The following CLCNKA variants were observed in gnomAD, a reference collection of about 807,000 sequenced individuals.
CLCNKA encodes chloride voltage-gated channel Ka.
CLCNKA carries 66 observed loss-of-function variants against 83.3 expected under a neutral mutation model. That is an observed-to-expected ratio of 0.79 (90% confidence interval 0.65 to 0.97). The LOEUF is 0.97. Ranked by LOEUF, CLCNKA falls within the 50% of genes least tolerant of loss-of-function variation. The pLI is 0.00. For synonymous variants in CLCNKA, 357 were observed against 370.4 expected (o/e 0.96, Z 0.42); for missense variants, 806 against 888.7 (o/e 0.91, Z 1.18).
At chr1:16,028,686 G>T in intron 10 of CLCNKA, 75 bp from the exon 11 acceptor site, 1 of 1,567,488 alleles carries the variant, frequency 6.4e-7, no homozygotes, top group Non-Finnish European at 8.8e-7. Flanking sequence ...CTGCTGCCTG[G>T]ACCAGGTCCT....
chr1:16,030,207 G>C (rs34292424), intron 14 of CLCNKA, 132 bp downstream of exon 14: 2 of 758,308 alleles, frequency 2.6e-6, no homozygotes, highest in African/African-American at 1.7e-5. Flanking sequence ...CCTCATGGGG[G>C]TCTGTCCCTC....
Position 16,030,332 on chromosome 1 carries a change from A to G in CLCNKA, c.1409-129A>G, listed in dbSNP as rs1252483729. ...GCCCAGGCCTTGGGGCACTTCCCAC[A>G]GTGCCCAGGCTGTGGCCTCTTACAA... On this transcript the variant is annotated intron_variant, in intron 14 of 19. Coordinates refer to ENST00000331433, the MANE Select transcript of CLCNKA (RefSeq NM_004070.4). 6.7e-6 allele frequency: 8 copies of G among 1,198,342 alleles called. No homozygotes were observed. The Admixed American group carries it at 8.4e-5, about 13-fold the overall frequency. 74.2% of individuals were successfully genotyped at this position (1,198,342 alleles called of 1,614,324 possible).
chr1:16,028,363 C>T (rs2022470015), intron 10 of CLCNKA, among the ~76,000 whole-genome samples: 2 of 152,104 alleles, frequency 1.3e-5, no homozygotes, highest in African/African-American at 4.8e-5. Context: ...ACCCCACCCC[C>T]TCACTGAGCC....
At chr1:16,031,262 A>C (rs985255639) in intron 15 of CLCNKA, among the ~76,000 whole-genome samples, 1 of 152,206 alleles carries the variant, frequency 6.6e-6, no homozygotes, top group African/African-American at 2.4e-5. Context: ...TGTTTATACC[A>C]GTGATTTTCA....
intron 18 of CLCNKA, 64 bp downstream of exon 18, chr1:16,032,590 C>A: frequency 2.3e-6 from 3 of 1,281,204 alleles, no homozygotes; most frequent in Non-Finnish European, 3.4e-6. Flanking sequence ...TGATGAGGAG[C>A]TCAGGCTCCA....
rs745916706 is a variant in CLCNKA at position 16,030,529 on chromosome 1, G to C, written c.1477G>C (p.Gly493Arg). Residue 493 changes from glycine (G) to arginine (R), a missense_variant, in exon 15 of 20, where the codon GGC becomes CGC. Physicochemically the swap from Gly to Arg is moderately radical, Grantham distance 125. Transcript: ENST00000331433. ...GGCGCTGCTGGCCTTTGAGCTGACC[G>C]GCCAGATAGTGCATGCACTGCCCGT... ...STALLAFELTGQIVHALPVLM... is the reference protein window; with the variant it reads ...STALLAFELTRQIVHALPVLM... The C allele has an allele frequency of 3.7e-6, 6 of 1,612,986 alleles. No individual in the cohort carries two copies. Among genetic ancestry groups the C allele is most frequent in the Non-Finnish European group, 5.1e-6 (6 of 1,180,034 alleles).
In CLCNKA at chr1:16,033,169, G is replaced by C; in HGVS notation, c.1930-1G>C. 1 of 1,614,148 alleles carries C rather than the reference G, an allele frequency of 6.2e-7. No homozygotes were observed. Among genetic ancestry groups the C allele is most frequent in the Non-Finnish European group, 8.5e-7 (1 of 1,179,992 alleles). On this transcript the variant is annotated splice_acceptor_variant, in intron 18 of 19. Coordinates refer to ENST00000331433, the MANE Select transcript of CLCNKA (RefSeq NM_004070.4). LOFTEE classifies it high-confidence loss of function. The stretch of plus-strand genomic sequence containing the variant: ...GTGTTTCCTAACAATCCCCCATCCA[G>C]GCACAAAACCTCTTTAAGCTGTTGA...
Position 16,022,067 on chromosome 1 carries a change from A to AGG in CLCNKA, c.-8+7_-8+8dup, listed in dbSNP as rs2124010413. ...GCCGCAGCAGGAGGACTGACAGGTG[A>AGG]GGGGTCTCTGGGCGTGGACTGGAGT... On this transcript the variant is annotated splice_donor_region_variant and intron_variant, in intron 1 of 19. Coordinates refer to ENST00000331433, the MANE Select transcript of CLCNKA (RefSeq NM_004070.4). The AGG allele has an allele frequency of 6.5e-6, 1 of 153,234 alleles. No homozygotes were observed. Among genetic ancestry groups the AGG allele is most frequent in the South Asian group, 2.1e-4 (1 of 4,850 alleles). 9.5% of individuals were successfully genotyped at this position (153,234 alleles called of 1,614,324 possible). A position where few individuals can be genotyped will look rare whatever the true frequency, so the allele number is the denominator to read the frequency against.
At chr1:16,026,375 T>A in intron 5 of CLCNKA, 128 bp downstream of exon 5, 1 of 1,465,916 alleles carries the variant, frequency 6.8e-7, no homozygotes, top group Non-Finnish European at 9.4e-7. Context: ...GAGCTCAGTC[T>A]TAGGGGAAGA....
At chr1:16,022,423 A>C (rs557421213) in intron 1 of CLCNKA, among the ~76,000 whole-genome samples, 190 bp from the exon 2 acceptor site, 2 of 152,238 alleles carry the variant, frequency 1.3e-5, no homozygotes, top group South Asian at 4.1e-4. Context: ...ACAAAATGAC[A>C]CACACAGGCA....
intron 10 of CLCNKA, 139 bp downstream of exon 10, chr1:16,028,258 C>T: frequency 1.3e-6 from 1 of 797,306 alleles, no homozygotes; most frequent in Non-Finnish European, 2.1e-6. Context: ...ACAACCCTCT[C>T]CAAGTCCCCA....
Position 16,027,370 on chromosome 1 carries a change from G to A in CLCNKA, c.716G>A (p.Gly239Asp). The A allele has an allele frequency of 1.2e-6, 2 of 1,613,828 alleles. No homozygotes were observed. The highest frequency in any genetic ancestry group is 2.2e-5 in the South Asian group (2 of 91,072). ...SHFSVRDYWR[G>D]FFAATCGAFI... ...TTCTCTGTCCGGGATTACTGGAGGGGCTTCTTTGCGGCCACCTGCGGGGCC... is the reference window on the plus strand; with the variant it reads ...TTCTCTGTCCGGGATTACTGGAGGGACTTCTTTGCGGCCACCTGCGGGGCC... The change falls in exon 8 of 20, where the codon GGC becomes GAC. Residue 239 changes from glycine (G) to aspartate (D), a missense_variant. Transcript: ENST00000331433.
chr1:16,023,717 C>T, intron 2 of CLCNKA, 83 bp from the exon 3 acceptor site: 1 of 1,564,860 alleles, frequency 6.4e-7, no homozygotes. Context: ...TCCTCCCTGC[C>T]TGGAGCCAAG....
rs139424076 is a variant in CLCNKA, at chr1:16,028,814, C to T, written c.1022C>T (p.Pro341Leu). 1.9e-5 allele frequency: 30 copies of T among 1,614,040 alleles called. No individual in the cohort carries two copies. The highest frequency in any genetic ancestry group is 1.2e-4 in the African/African-American group (9 of 74,938). Residue 341 changes from proline (P) to leucine (L), a missense_variant, in exon 11 of 20, where the codon CCG (proline) becomes CTG (leucine). Coordinates refer to ENST00000331433, the MANE Select transcript of CLCNKA (RefSeq NM_004070.4). ...ATLLLASITY[P>L]PGVGHFLASR... Reference sequence around the variant, plus strand: ...TTGCTTCTCGCCTCCATCACCTACCCGCCTGGTGTGGGCCACTTCCTAGCT... The same window carrying T: ...TTGCTTCTCGCCTCCATCACCTACCTGCCTGGTGTGGGCCACTTCCTAGCT...
intron 18 of CLCNKA, among the ~76,000 whole-genome samples, 164 bp from the exon 19 acceptor site, chr1:16,033,006 G>C (rs897553720): frequency 1.7e-4 from 26 of 152,118 alleles, no homozygotes; most frequent in Admixed American, 4.6e-4. Context: ...GTGGCCTCTG[G>C]CATCCCCCAG....
intron 18 of CLCNKA, 82 bp downstream of exon 18, chr1:16,032,608 G>A (rs567793760): frequency 1.5e-5 from 17 of 1,099,336 alleles, no homozygotes; most frequent in African/African-American, 1.1e-4. Context: ...CCAGCCTCCC[G>A]TCCCAACCCC....
chr1:16,023,234 G>C (rs1378807895), intron 2 of CLCNKA, among the ~76,000 whole-genome samples: 1 of 152,216 alleles, frequency 6.6e-6, no homozygotes, highest in African/African-American at 2.4e-5. Context: ...CTGGGCTGCA[G>C]CCAGCGGGCC....
In CLCNKA at chr1:16,030,679, G is replaced by T. The variant is rs753854702; in HGVS notation, c.1622+5G>T. ...GATTCTGGGCCGCAACATCGGGTGA[G>T]TGGTGCCCACCTCAGGCTGACTGAA... On this transcript the variant is annotated splice_donor_5th_base_variant and intron_variant, in intron 15 of 19. Coordinates refer to ENST00000331433, the MANE Select transcript of CLCNKA (RefSeq NM_004070.4). The T allele has an allele frequency of 1.9e-6, 3 of 1,613,268 alleles. No individual in the cohort carries two copies. Among genetic ancestry groups the T allele is most frequent in the Middle Eastern group, 3.3e-4 (2 of 6,056 alleles).
Position 16,023,858 on chromosome 1 carries a change from G to A in CLCNKA, c.159G>A (p.Leu53=). 6.2e-7 allele frequency: 1 copy of A among 1,614,194 alleles called. No homozygotes were observed. The highest frequency in any genetic ancestry group is 8.5e-7 in the Non-Finnish European group (1 of 1,180,016). ...VFRLGEDWYF[L]MTLGVLMALV... is the part of the protein sequence containing the mutation. ...GCCTGGGAGAAGACTGGTACTTCCT[G>A]ATGACCCTCGGGGTGCTCATGGCCC... The change falls in exon 3 of 20, where the codon CTG becomes CTA. Residue 53 remains leucine, a synonymous_variant. Transcript: ENST00000331433.
Sources: allele counts gnomAD v4.1 joint callset (sites outside exome capture counted in the v4.1 genomes callset), GRCh38; gene constraint gnomAD v4.1.1; transcripts MANE v1.5; gene names NCBI Gene and HGNC (gene_info 2026-07-23, HGNC 2026-07-21).